Variants in HTR2A observed in about 807,000 individuals in gnomAD.
The protein encoded by HTR2A is 5-hydroxytryptamine receptor 2A.
Under a neutral mutation model 31.0 loss-of-function variants are expected in HTR2A, and 14 were observed. That is an observed-to-expected ratio of 0.45 (90% CI 0.30 to 0.71). The LOEUF is 0.71. HTR2A is among the 30% of genes least tolerant of loss of function. HTR2A has a pLI of 0.09. For missense variants in HTR2A, 442 were observed against 573.3 expected, an observed-to-expected ratio of 0.77 and a Z score of 2.34; for synonymous variants, 209 against 225.2, an observed-to-expected ratio of 0.93 and a Z score of 0.64.
intron 3 of HTR2A, chr13:46,856,434 C>T (rs1409358449): frequency 1.3e-5 from 2 of 152,010 alleles, no homozygotes; most frequent in African/African-American, 4.8e-5. Context: ...GAAAATGCAG[C>T]AGGGTTTTGA....
chr13:46,855,635 A>T lies in HTR2A; in HGVS notation c.614-19996T>A, dbSNP rs184948405. On this transcript the variant is annotated intron_variant, in intron 3 of 3. Coordinates refer to ENST00000542664, the MANE Select transcript of HTR2A (RefSeq NM_000621.5). ...CAGAACCCAAAAGCTTTCCCTCCCT[A>T]AAAAAGGCCTAAGGTGGGATGGCCA... 2.0e-3 allele frequency among the ~76,000 whole-genome samples: 266 copies of T among 135,258 alleles called. 3 individuals carry two copies. The highest frequency in any genetic ancestry group is 6.3e-3 in the African/African-American group (254 of 40,154). 88.7% of individuals were successfully genotyped at this position (135,258 alleles called of 152,430 possible).
chr13:46,857,096 T>G (rs199698802), intron 3 of HTR2A, among the ~76,000 whole-genome samples: 10 of 151,968 alleles, frequency 6.6e-5, no homozygotes, highest in Admixed American at 6.6e-4. Flanking sequence ...GGTCAAGAGA[T>G]AGAGACCATC....
chr13:46,881,751 A>G (rs185804296), intron 3 of HTR2A, among the ~76,000 whole-genome samples: 141 of 152,260 alleles, frequency 9.3e-4, no homozygotes, highest in African/African-American at 3.4e-3. Flanking sequence ...ATAAACCTGG[A>G]GGGTCCCAGG....
intron 3 of HTR2A, among the ~76,000 whole-genome samples, chr13:46,850,819 T>C (rs1950678783): frequency 1.3e-5 from 2 of 152,212 alleles, no homozygotes; most frequent in Non-Finnish European, 2.9e-5. Context: ...CCAGTTATGT[T>C]TTACTGCAAG....
intron 3 of HTR2A, among the ~76,000 whole-genome samples, chr13:46,882,168 T>C (rs1219899923): frequency 1.3e-5 from 2 of 152,022 alleles, no homozygotes; most frequent in Non-Finnish European, 2.9e-5. Flanking sequence ...GTATAGTAGT[T>C]TTTGGGAAAT....
In HTR2A at chr13:46,844,674, A is replaced by T. The variant is rs7985321; in HGVS notation, c.614-9035T>A. Among the ~76,000 whole-genome samples the T allele has an allele frequency of 3.4e-3, 511 of 152,322 alleles. 4 individuals are homozygous for T. The highest frequency in any genetic ancestry group is 0.012 in the African/African-American group (496 of 41,584). On this transcript the variant is annotated intron_variant, in intron 3 of 3. Coordinates refer to ENST00000542664, the MANE Select transcript of HTR2A (RefSeq NM_000621.5). Reference sequence around the variant, plus strand: ...AAAGTGTCTTTCAGGTAAATTAAACAAGTATGTATCAGCAAACTGGAGCAT... The same window carrying T: ...AAAGTGTCTTTCAGGTAAATTAAACTAGTATGTATCAGCAAACTGGAGCAT...
In HTR2A at chr13:46,896,170, A is replaced by G. The variant is rs1951103035; in HGVS notation, c.-264T>C. On this transcript the variant is annotated 5_prime_UTR_variant, in exon 2 of 4. Coordinates refer to ENST00000542664, the MANE Select transcript of HTR2A (RefSeq NM_000621.5). ...TTTCTCACCAAACCGAGGACAAAAAAGCAGAATGAACTTTTAGCATAGAGG... is the reference window on the plus strand; with the variant it reads ...TTTCTCACCAAACCGAGGACAAAAAGGCAGAATGAACTTTTAGCATAGAGG... 1.7e-6 allele frequency: 2 copies of G among 1,209,992 alleles called. No individual in the cohort carries two copies. The highest frequency in any genetic ancestry group is 6.8e-5 in the South Asian group (2 of 29,370). 75.0% of individuals were successfully genotyped at this position (1,209,992 alleles called of 1,614,324 possible).
chr13:46,877,892 A>G (rs1950927827), intron 3 of HTR2A, among the ~76,000 whole-genome samples: 1 of 152,034 alleles, frequency 6.6e-6, no homozygotes, highest in South Asian at 2.1e-4. Context: ...TTTCAAGCAG[A>G]AGATTAAAAA....
chr13:46,840,312 CT>C (rs1461787203), intron 3 of HTR2A, among the ~76,000 whole-genome samples: 11 of 152,082 alleles, frequency 7.2e-5, no homozygotes, highest in African/African-American at 2.4e-4. Flanking sequence ...TAAATTCCTT[CT>C]AATCTATGTA....
chr13:46,839,309 G>A (rs1950582018), intron 3 of HTR2A, among the ~76,000 whole-genome samples: 1 of 152,088 alleles, frequency 6.6e-6, no homozygotes, highest in East Asian at 1.9e-4. Flanking sequence ...GTTGTAGAAA[G>A]AATAACCAGA....
In HTR2A at chr13:46,835,254, C is replaced by A; in HGVS notation, c.999G>T (p.Val333=). ...KVLGIVFFLF[V]VMWCPFFITN... is the part of the protein sequence containing the mutation. The stretch of plus-strand genomic sequence containing the variant: ...TGATGAAGAAAGGGCACCACATCAC[C>A]ACAAACAGGAAGAAGACGATGCCCA... The change falls in exon 4 of 4, where the codon GTG becomes GTT. Residue 333 remains valine, a synonymous_variant. Transcript: ENST00000542664. 2 of 1,614,110 alleles carry A rather than the reference C, an allele frequency of 1.2e-6. No individual in the cohort carries two copies. Among genetic ancestry groups the A allele is most frequent in the Non-Finnish European group, 8.5e-7 (1 of 1,179,994 alleles).
chr13:46,882,466 C>G (rs549399856), intron 3 of HTR2A, among the ~76,000 whole-genome samples: 1 of 152,154 alleles, frequency 6.6e-6, no homozygotes, highest in Admixed American at 6.5e-5. Context: ...TTCTAAATGG[C>G]CCAAAGACTT....
chr13:46,880,672 C>A (rs528721517), intron 3 of HTR2A, among the ~76,000 whole-genome samples: 1 of 151,874 alleles, frequency 6.6e-6, no homozygotes, highest in African/African-American at 2.4e-5. Context: ...AACCCCGTCT[C>A]CAATAAAAAT....
chr13:46,885,230 T>A (rs1417816358), intron 3 of HTR2A, among the ~76,000 whole-genome samples: 1 of 152,164 alleles, frequency 6.6e-6, no homozygotes, highest in Admixed American at 6.5e-5. Context: ...GGCTACAAAG[T>A]GACTCACAGG....
chr13:46,860,723 A>G (rs564313676), intron 3 of HTR2A, among the ~76,000 whole-genome samples: 6 of 152,294 alleles, frequency 3.9e-5, no homozygotes, highest in African/African-American at 1.4e-4. Context: ...TTTATCAACA[A>G]AGTGGCCATT....
rs1876357599 is a variant in HTR2A at position 46,834,381 on chromosome 13, A to G, written c.*456T>C. ...TCCTTTCAAAATATATACCATAGTA[A>G]GTTTTAAAGATAATTTTTAAGAGGC... is the stretch of plus-strand genomic sequence containing the variant. On this transcript the variant is annotated 3_prime_UTR_variant, in exon 4 of 4. Transcript: ENST00000542664. 6.5e-6 allele frequency: 1 copy of G among 154,508 alleles called. No homozygotes were observed. Among genetic ancestry groups the G allele is most frequent in the African/African-American group, 2.4e-5 (1 of 41,454 alleles). 9.6% of individuals were successfully genotyped at this position (154,508 alleles called of 1,614,324 possible).
intron 2 of HTR2A, among the ~76,000 whole-genome samples, chr13:46,894,702 G>A (rs558443303): frequency 2.0e-5 from 3 of 152,310 alleles, no homozygotes; most frequent in African/African-American, 7.2e-5. Context: ...GTATCTGGCT[G>A]TATTACTCAT....
At chr13:46,897,722 G>A (rs112447343), upstream of HTR2A, among the ~76,000 whole-genome samples, 2 of 152,182 alleles carry the variant, frequency 1.3e-5, no homozygotes, top group African/African-American at 4.8e-5. Flanking sequence ...TTTTGCTACA[G>A]TTCTATCACC....
intron 3 of HTR2A, among the ~76,000 whole-genome samples, chr13:46,870,767 G>C (rs966088444): frequency 1.3e-5 from 2 of 152,128 alleles, no homozygotes; most frequent in Non-Finnish European, 2.9e-5. Context: ...AGTGACATTA[G>C]AGCTAAGCCA....
Sources: gnomAD v4.1 joint callset for allele counts (sites outside exome capture counted in the v4.1 genomes callset) on GRCh38, gnomAD v4.1.1 for gene constraint, MANE v1.5 for transcripts, NCBI Gene and HGNC (gene_info 2026-07-23, HGNC 2026-07-21) for gene names.